The following FH variants were observed in gnomAD, a reference collection of about 807,000 sequenced individuals.
FH encodes fumarate hydratase, mitochondrial.
FH carries 22 observed loss-of-function variants against 49.4 expected under a neutral mutation model. The observed-to-expected ratio is 0.45, with a 90% confidence interval of 0.32 to 0.64. The LOEUF (loss-of-function observed/expected upper bound fraction) is 0.64, where lower values mean the gene tolerates loss of function less well. Ranked by LOEUF, FH falls within the 30% of genes least tolerant of loss-of-function variation. The pLI, the probability that FH is intolerant of heterozygous loss-of-function variation, is 0.05. For missense variants in FH, 526 were observed against 641.5 expected (o/e 0.82, Z 1.95); for synonymous variants, 208 against 223.0 (o/e 0.93, Z 0.60).
Position 241,508,754 on chromosome 1 carries a change from T to C in FH, c.587A>G (p.His196Arg), listed in dbSNP as rs763601207. The stretch of plus-strand genomic sequence containing the variant: ...ATGAACTTCTATTGCAGCAGCAATG[T>C]GCATTGCTGTGGGAAAAGTATCATT... ...SSNDTFPTAM[H>R]IAAAIEVHEV... The change falls in exon 5 of 10, where the codon CAC (histidine) becomes CGC (arginine). Residue 196 changes from histidine (H) to arginine (R), a missense_variant. By Grantham distance (29) the His-to-Arg change is conservative. Coordinates refer to ENST00000366560, the MANE Select transcript of FH (RefSeq NM_000143.4). 6.2e-7 allele frequency: 1 copy of C among 1,613,614 alleles called. No individual in the cohort carries two copies. Among genetic ancestry groups the C allele is most frequent in the Non-Finnish European group, 8.5e-7 (1 of 1,179,596 alleles).
chr1:241,498,561 C>T (rs918353825), intron 9 of FH, among the ~76,000 whole-genome samples: 2 of 151,364 alleles, frequency 1.3e-5, no homozygotes, highest in African/African-American at 4.9e-5. Context: ...CCAGACATTA[C>T]AGGGACACAA....
intron 8 of FH, among the ~76,000 whole-genome samples, chr1:241,500,923 T>C (rs1457362486): frequency 1.3e-5 from 2 of 152,150 alleles, no homozygotes; most frequent in Admixed American, 1.3e-4. Flanking sequence ...ACTCCAGTTG[T>C]CGGAACTGGT....
chr1:241,511,268 A>C (rs1454038540), intron 4 of FH, among the ~76,000 whole-genome samples: 1 of 152,232 alleles, frequency 6.6e-6, no homozygotes, highest in East Asian at 1.9e-4. Context: ...GCCATCTACA[A>C]ACCAAAAAGT....
intron 4 of FH, 183 bp downstream of exon 4, chr1:241,511,784 A>G (rs1045500648): frequency 1.7e-5 from 10 of 596,378 alleles, no homozygotes; most frequent in Non-Finnish European, 2.6e-5. Context: ...GGTGTCCTAA[A>G]AATAATTTTT....
At chr1:241,500,633 G>GAGAGAA (rs1659754872) in intron 8 of FH, 43 bp from the exon 9 acceptor site, 1 of 1,605,760 alleles carries the variant, frequency 6.2e-7, no homozygotes, top group Non-Finnish European at 8.5e-7. Flanking sequence ...GAGAGAGAGA[G>GAGAGAA]AGAGAGACAT....
chr1:241,516,362 A>T (rs1200562596), intron 2 of FH, among the ~76,000 whole-genome samples: 2 of 152,240 alleles, frequency 1.3e-5, no homozygotes, highest in Admixed American at 6.5e-5. Flanking sequence ...TTGCAGAGAT[A>T]TGGATGGAGC....
At chr1:241,511,770 T>C (rs2147921588) in intron 4 of FH, 197 bp downstream of exon 4, 1 of 571,880 alleles carries the variant, frequency 1.7e-6, no homozygotes, top group Non-Finnish European at 3.1e-6. Context: ...ATACACTAAA[T>C]TCAGGTGTCC....
At chr1:241,514,184 A>G (rs887062323) in intron 2 of FH, among the ~76,000 whole-genome samples, 1 of 152,152 alleles carries the variant, frequency 6.6e-6, no homozygotes, top group African/African-American at 2.4e-5. Flanking sequence ...TAAATAAGGG[A>G]TATATTTAAC....
intron 4 of FH, among the ~76,000 whole-genome samples, chr1:241,510,067 T>C (rs1660044419): frequency 6.6e-6 from 1 of 152,190 alleles, no homozygotes; most frequent in African/African-American, 2.4e-5. Context: ...CTTCAGTATA[T>C]ATAGAACATA....
chr1:241,512,166 G>GT (rs769380141), intron 3 of FH, 23 bp from the exon 4 acceptor site: 5 of 1,603,540 alleles, frequency 3.1e-6, no homozygotes, highest in East Asian at 2.2e-5. Flanking sequence ...TGTTAAAAAT[G>GT]TATTTTAAAA....
At chr1:241,511,438 GA>G (rs1660080359) in intron 4 of FH, among the ~76,000 whole-genome samples, 1 of 152,160 alleles carries the variant, frequency 6.6e-6, no homozygotes, top group Admixed American at 6.5e-5. Flanking sequence ...AAAAGACCAA[GA>G]AACTGTCACA....
At chr1:241,512,925 G>C (rs1234600598) in intron 3 of FH, among the ~76,000 whole-genome samples, 2 of 151,930 alleles carry the variant, frequency 1.3e-5, no homozygotes, top group Non-Finnish European at 2.9e-5. Context: ...GTGTGTGTGT[G>C]TGTGTGTGTG....
Position 241,508,609 on chromosome 1 carries a change from A to C in FH, c.732T>G (p.Leu244=). 1 of 1,613,178 alleles carries C rather than the reference A, an allele frequency of 6.2e-7. No homozygotes were observed. The highest frequency in any genetic ancestry group is 8.5e-7 in the Non-Finnish European group (1 of 1,179,186). ...ATTAGTCAAACTCCTATACCTGCCC[A>C]AGAGTAAGTGGAACAGCATCCTGAG... ...THTQDAVPLT[L]GQEFSGYVQQ... Residue 244 remains leucine, a synonymous_variant, in exon 5 of 10, where the codon CTT becomes CTG. Transcript: ENST00000366560.
intron 1 of FH, among the ~76,000 whole-genome samples, chr1:241,518,095 A>G (rs1660267792): frequency 6.6e-6 from 1 of 152,216 alleles, no homozygotes; most frequent in Non-Finnish European, 1.5e-5. Context: ...ATGAATTTGT[A>G]TGTGTTCTTT....
At chr1:241,504,382 T>C in intron 6 of FH, 137 bp from the exon 7 acceptor site, 7 of 768,704 alleles carry the variant, frequency 9.1e-6, no homozygotes, top group South Asian at 3.4e-5. Flanking sequence ...TACTTAAGAC[T>C]CAAATTTTGT....
chr1:241,519,314 G>T (rs746828617), intron 1 of FH: 2 of 396,030 alleles, frequency 5.1e-6, no homozygotes, highest in Non-Finnish European at 9.0e-6. Context: ...CGCCACGGAC[G>T]GCTCCGAGGA....
rs547519260 is a variant in FH, at chr1:241,497,932, T to C, written c.1429A>G (p.Lys477Glu). Residue 477 changes from lysine to glutamate, a missense_variant, in exon 10 of 10, where the codon AAA becomes GAA. This residue lies in a region of FH where 383 missense variants were observed against 514.0 expected (regional missense o/e 0.75). Coordinates refer to ENST00000366560, the MANE Select transcript of FH (RefSeq NM_000143.4). ...GTTTCCTTTAAGGTTGATCCATTTT[T>C]GTGTGCTGTCTTAGCAATCTTTGCT... ...KAAKIAKTAH[K>E]NGSTLKETAI... The C allele has an allele frequency of 7.4e-6, 12 of 1,614,042 alleles. No homozygotes were observed. The highest frequency in any genetic ancestry group is 4.5e-5 in the East Asian group (2 of 44,856).
chr1:241,519,548 A>C, intron 1 of FH, 43 bp downstream of exon 1: 1 of 1,538,510 alleles, frequency 6.5e-7, no homozygotes, highest in Non-Finnish European at 8.8e-7. Context: ...AGGAGGGCTG[A>C]AGGTCACTGC....
chr1:241,505,869 A>T, intron 6 of FH, 134 bp downstream of exon 6: 1 of 883,848 alleles, frequency 1.1e-6, no homozygotes, highest in Non-Finnish European at 1.8e-6. Context: ...AAATATACTT[A>T]AAACACATGT....
Sources: allele counts gnomAD v4.1 joint callset (sites outside exome capture counted in the v4.1 genomes callset), GRCh38; gene constraint gnomAD v4.1.1; regional missense constraint gnomAD v4.1.1; transcripts MANE v1.5; gene names NCBI Gene and HGNC (gene_info 2026-07-23, HGNC 2026-07-21).